Variants in NCOA3 observed in about 807,000 individuals in gnomAD.
NCOA3 encodes the protein CBP-interacting protein.
Under a neutral mutation model 158.8 loss-of-function variants are expected in NCOA3, and 51 were observed. The ratio of observed to expected loss-of-function variants is 0.32; its 90% CI spans 0.26 to 0.41. The LOEUF (loss-of-function observed/expected upper bound fraction) is 0.41. NCOA3 is among the 10% of genes least tolerant of loss of function. The pLI is 1.00. For missense variants in NCOA3, 1,510 were observed against 1,746.6 expected (o/e 0.86, Z 2.41); for synonymous variants, 537 against 592.4 (o/e 0.91, Z 1.36).
intron 8 of NCOA3, among the ~76,000 whole-genome samples, chr20:47,632,683 G>C (rs964636526): frequency 2.4e-5 from 3 of 123,280 alleles, no homozygotes; most frequent in African/African-American, 9.9e-5. Context: ...ACTGTTGCTG[G>C]CCCGAGTTTT....
chr20:47,517,063 C>T (rs1056919576), intron 1 of NCOA3, among the ~76,000 whole-genome samples: 13 of 151,746 alleles, frequency 8.6e-5, no homozygotes, highest in African/African-American at 3.1e-4. Context: ...ACTAAAAATA[C>T]AAAAATTAGC....
At chr20:47,604,457 A>G (rs2085912176) in intron 2 of NCOA3, among the ~76,000 whole-genome samples, 1 of 152,220 alleles carries the variant, frequency 6.6e-6, no homozygotes, top group Non-Finnish European at 1.5e-5. Flanking sequence ...TCTTGGTTTC[A>G]GACAAGTATC....
In NCOA3 at chr20:47,655,108, T is replaced by TA. The variant is rs1418359888; in HGVS notation, c.*1691_*1692insA. The TA allele has an allele frequency of 1.3e-5, 2 of 152,214 alleles. No homozygotes were observed. The highest frequency in any genetic ancestry group is 6.5e-5 in the Admixed American group (1 of 15,276). 9.4% of individuals were successfully genotyped at this position (152,214 alleles called of 1,614,324 possible). Reference sequence around the variant, plus strand: ...AACTCAGTACCCAGAACAGCCAGTTTTACTGTGATTCAGAGCCACAGTCTA... The same window carrying TA: ...AACTCAGTACCCAGAACAGCCAGTTTATACTGTGATTCAGAGCCACAGTCTA... On this transcript the variant is annotated 3_prime_UTR_variant, in exon 23 of 23. Transcript: ENST00000371998.
chr20:47,525,255 G>A lies in NCOA3; in HGVS notation c.-99+23236G>A, dbSNP rs370733163. Among the ~76,000 whole-genome samples the A allele has an allele frequency of 6.1e-4, 88 of 145,200 alleles. No individual in the cohort carries two copies. The Middle Eastern group carries it at 0.018, about 30-fold the overall frequency. On this transcript the variant is annotated intron_variant, in intron 1 of 22. Transcript: ENST00000371998. ...CAGAGAGCACAGGGTTGGGGGTAAG[G>A]TCACCGATCAACAGGATCCCAAGGC...
At chr20:47,573,417 AAAC>A (rs1438328595) in intron 1 of NCOA3, among the ~76,000 whole-genome samples, 2 of 147,750 alleles carry the variant, frequency 1.4e-5, no homozygotes, top group South Asian at 2.1e-4. Flanking sequence ...ACAAACAAAC[AAAC>A]AAAAAAACAC....
intron 17 of NCOA3, among the ~76,000 whole-genome samples, chr20:47,644,563 G>C (rs1294697470): frequency 6.6e-6 from 1 of 152,196 alleles, no homozygotes; most frequent in Admixed American, 6.5e-5. Context: ...ATCCCTGACT[G>C]TTCTTATATG....
rs899114114 is a variant in NCOA3, at chr20:47,600,816, A to C, written c.-20+17555A>C. On this transcript the variant is annotated intron_variant, in intron 2 of 22. Coordinates refer to ENST00000371998, the MANE Select transcript of NCOA3 (RefSeq NM_181659.3). ...CGGGCATGAGCCACTGTCCCTGGCA[A>C]AAAAAAAAAAAAAAAAAGATAGAAT... Among the ~76,000 whole-genome samples the C allele has an allele frequency of 3.5e-5, 5 of 142,508 alleles. 1 individual carries two copies. Among genetic ancestry groups the C allele is most frequent in the African/African-American group, 1.4e-4 (5 of 36,586 alleles). The allele number at this position is 142,508 out of a possible 152,430, so 93.5% of individuals were successfully genotyped here.
chr20:47,643,908 C>T (rs1450054655), intron 17 of NCOA3, among the ~76,000 whole-genome samples: 2 of 150,984 alleles, frequency 1.3e-5, no homozygotes, highest in Admixed American at 6.6e-5. Context: ...GCATGTGACC[C>T]GTTTATTCTC....
At chr20:47,619,856 C>T (rs971603662) in intron 2 of NCOA3, among the ~76,000 whole-genome samples, 12 of 151,874 alleles carry the variant, frequency 7.9e-5, no homozygotes, top group African/African-American at 1.5e-4. Context: ...AGTGCAGTGG[C>T]GGGATCTCAG....
In NCOA3 at chr20:47,598,790, G is replaced by T. The variant is rs543117422; in HGVS notation, c.-20+15529G>T. On this transcript the variant is annotated intron_variant, in intron 2 of 22. Transcript: ENST00000371998. Reference sequence around the variant, plus strand: ...CTGATAGGTGCATAAATAAAATGTGGTGTATCCATACAGTGAAGTATTAGC... The same window carrying T: ...CTGATAGGTGCATAAATAAAATGTGTTGTATCCATACAGTGAAGTATTAGC... Among the ~76,000 whole-genome samples, 10 of 152,298 alleles carry T rather than the reference G, an allele frequency of 6.6e-5. No homozygotes were observed. In the East Asian group the frequency reaches 1.7e-3, roughly 26 times the overall value.
intron 1 of NCOA3, among the ~76,000 whole-genome samples, chr20:47,514,907 A>G (rs887203825): frequency 6.2e-5 from 9 of 145,226 alleles, no homozygotes; most frequent in African/African-American, 2.3e-4. Context: ...CTGGTCTTGA[A>G]CTCGTGACTT....
At chr20:47,559,100 A>G (rs886689619) in intron 1 of NCOA3, among the ~76,000 whole-genome samples, 3 of 151,542 alleles carry the variant, frequency 2.0e-5, no homozygotes, top group African/African-American at 7.3e-5. Flanking sequence ...ATGAGCCTTA[A>G]AGGTCCTTAT....
rs567409200 is a variant in NCOA3 at position 47,530,356 on chromosome 20, A to C, written c.-99+28337A>C. 1.6e-4 allele frequency among the ~76,000 whole-genome samples: 25 copies of C among 152,288 alleles called. 1 individual carries two copies. The highest frequency in any genetic ancestry group is 6.8e-3 in the Middle Eastern group (2 of 294). Reference sequence around the variant, plus strand: ...ATACAGAAGAATGATGAGAAAATTAAAGTTTTAAAAGGATTTGTATAGAGG... The same window carrying C: ...ATACAGAAGAATGATGAGAAAATTACAGTTTTAAAAGGATTTGTATAGAGG... On this transcript the variant is annotated intron_variant, in intron 1 of 22. Coordinates refer to ENST00000371998, the MANE Select transcript of NCOA3 (RefSeq NM_181659.3).
intron 2 of NCOA3, among the ~76,000 whole-genome samples, chr20:47,599,578 AT>A (rs1220385255): frequency 6.6e-6 from 1 of 152,250 alleles, no homozygotes; most frequent in African/African-American, 2.4e-5. Context: ...TAGCTGATGT[AT>A]GCAAAACTGC....
intron 2 of NCOA3, among the ~76,000 whole-genome samples, chr20:47,617,605 CA>C (rs2086160852): frequency 6.6e-6 from 1 of 152,176 alleles, no homozygotes; most frequent in African/African-American, 2.4e-5. Flanking sequence ...GCAACTAAAA[CA>C]AATGCCATTT....
In NCOA3 at chr20:47,627,917, T is replaced by C. The variant is rs372647458; in HGVS notation, c.722-5T>C. On this transcript the variant is annotated splice_region_variant and splice_polypyrimidine_tract_variant and intron_variant, in intron 7 of 22. Transcript: ENST00000371998. ...ATCCTTACCAGGGTGAATTTTTTAT[T>C]GTAGATTTGCAATCTTGTATGATCT... The C allele has an allele frequency of 1.4e-5, 23 of 1,612,342 alleles. No individual in the cohort carries two copies. Among genetic ancestry groups the C allele is most frequent in the Middle Eastern group, 1.6e-4 (1 of 6,062 alleles).
intron 1 of NCOA3, among the ~76,000 whole-genome samples, chr20:47,553,432 TA>T (rs1041405738): frequency 1.3e-5 from 2 of 152,034 alleles, no homozygotes; most frequent in Non-Finnish European, 2.9e-5. Flanking sequence ...AGTTTTAGGG[TA>T]CATGTGCACA....
chr20:47,507,775 C>T (rs1418163594), intron 1 of NCOA3, among the ~76,000 whole-genome samples: 1 of 152,120 alleles, frequency 6.6e-6, no homozygotes, highest in Non-Finnish European at 1.5e-5. Context: ...TGTGCCACTA[C>T]ACCTGGCTAA....
chr20:47,630,614 C>T (rs1324710951), intron 8 of NCOA3, among the ~76,000 whole-genome samples: 1 of 151,960 alleles, frequency 6.6e-6, no homozygotes, highest in Non-Finnish European at 1.5e-5. Context: ...AGGTATGTGC[C>T]ACCACACTCA....
Sources: gnomAD v4.1 joint callset for allele counts (sites outside exome capture counted in the v4.1 genomes callset) on GRCh38, gnomAD v4.1.1 for gene constraint, MANE v1.5 for transcripts, NCBI Gene and HGNC (gene_info 2026-07-23, HGNC 2026-07-21) for gene names.